Variants in SORT1 observed in about 807,000 individuals in gnomAD.
SORT1 encodes the protein sortilin 1, also known as sortilin.
In SORT1, 39 loss-of-function variants were observed where a neutral mutation model predicts 101.7. The ratio of observed to expected loss-of-function variants is 0.38; its 90% CI spans 0.30 to 0.50. The LOEUF is 0.50. Ranked by LOEUF, SORT1 falls within the 20% of genes least tolerant of loss-of-function variation. The pLI is 0.90. For synonymous variants in SORT1, 396 were observed against 393.7 expected (o/e 1.01, Z -0.07); for missense variants, 878 against 1,040.4 (o/e 0.84, Z 2.15).
At chr1:109,360,729 C>T (rs540920482) in intron 3 of SORT1, among the ~76,000 whole-genome samples, 27 of 152,254 alleles carry the variant, frequency 1.8e-4, no homozygotes, top group Admixed American at 4.6e-4. Context: ...TTCCCAGACA[C>T]GCTGGGATTG....
chr1:109,392,564 A>G, intron 1 of SORT1: 1 of 975,952 alleles, frequency 1.0e-6, no homozygotes, highest in Non-Finnish European at 1.2e-6. Flanking sequence ...GCACAGAGCC[A>G]AACATTTGAG....
At chr1:109,397,495 T>A in intron 1 of SORT1, 92 bp downstream of exon 1, 1 of 865,874 alleles carries the variant, frequency 1.2e-6, no homozygotes, top group Non-Finnish European at 1.4e-6. Context: ...AGGGCTGGGG[T>A]CTCCTCCGGG....
At chr1:109,329,125 G>A (rs1366279611) in intron 11 of SORT1, among the ~76,000 whole-genome samples, 3 of 152,170 alleles carry the variant, frequency 2.0e-5, no homozygotes, top group Admixed American at 1.3e-4. Context: ...TGAGCTACCT[G>A]GTAAGGGCTT....
intron 1 of SORT1, among the ~76,000 whole-genome samples, chr1:109,384,709 CA>C (rs1652467276): frequency 6.6e-6 from 1 of 152,060 alleles, no homozygotes; most frequent in South Asian, 2.1e-4. Flanking sequence ...CTGTGAAGTC[CA>C]AGAGTATGGC....
rs908884580 is a variant in SORT1, at chr1:109,397,727, C to G, written c.166G>C (p.Val56Leu). ...GCGGCCGCCCGCAGCCCCCAGCTCA[C>G]CCCGATGGGGCCAGACCAGCGCGGC... is the stretch of plus-strand genomic sequence containing the variant. ...PLPRWSGPIG[V>L]SWGLRAAAAG... Residue 56 changes from valine (V) to leucine (L), a missense_variant, in exon 1 of 20, where the codon GTG (valine) becomes CTG (leucine). By Grantham distance (32) the Val-to-Leu change is conservative. This residue lies in a region of SORT1 where 194 missense variants were observed against 145.9 expected (regional missense o/e 1.33). Coordinates refer to ENST00000256637, the MANE Select transcript of SORT1 (RefSeq NM_002959.7). 2.5e-6 allele frequency: 3 copies of G among 1,191,214 alleles called. No individual in the cohort carries two copies. The highest frequency in any genetic ancestry group is 3.3e-5 in the African/African-American group (2 of 61,216). The allele number at this position is 1,191,214 out of a possible 1,614,324, so 73.8% of individuals were successfully genotyped here.
chr1:109,397,233 G>C (rs1382049726), intron 1 of SORT1: 4 of 152,260 alleles, frequency 2.6e-5, no homozygotes, highest in African/African-American at 9.7e-5. Flanking sequence ...CCCAACTTCT[G>C]CAAGCGCTCA....
chr1:109,329,126 G>A (rs530593674), intron 11 of SORT1, among the ~76,000 whole-genome samples: 48 of 152,312 alleles, frequency 3.2e-4, no homozygotes, highest in African/African-American at 1.1e-3. Context: ...GAGCTACCTG[G>A]TAAGGGCTTC....
intron 11 of SORT1, among the ~76,000 whole-genome samples, chr1:109,330,243 T>A (rs1648372104): frequency 6.6e-6 from 1 of 152,144 alleles, no homozygotes; most frequent in Admixed American, 6.5e-5. Context: ...TCCACCCACC[T>A]CAGCCTCCCA....
At chr1:109,359,087 A>G (rs1650535939) in intron 3 of SORT1, among the ~76,000 whole-genome samples, 1 of 152,152 alleles carries the variant, frequency 6.6e-6, no homozygotes, top group Non-Finnish European at 1.5e-5. Flanking sequence ...GCTTATAAAC[A>G]GCAGAAATTC....
chr1:109,364,170 TAGTAA>T (rs1379482288), intron 3 of SORT1, among the ~76,000 whole-genome samples: 2 of 152,154 alleles, frequency 1.3e-5, no homozygotes, highest in East Asian at 3.8e-4. Flanking sequence ...AATTGCACTC[TAGTAA>T]AGTATGTCAG....
At position 109,356,018 on chromosome 1, in the gene SORT1, C is replaced by T. The variant is rs141315288; in HGVS notation, c.441-549G>A. On this transcript the variant is annotated intron_variant, in intron 3 of 19. Transcript: ENST00000256637. The stretch of plus-strand genomic sequence containing the variant: ...TCCCGAGTAGCTGGAATTACAGGTC[C>T]GTGTCACCACGCCTGGCTAATTTTT... Among the ~76,000 whole-genome samples the T allele has an allele frequency of 6.6e-5, 10 of 152,134 alleles. No individual in the cohort carries two copies. In the East Asian group the frequency reaches 1.9e-3, roughly 29 times the overall value.
At position 109,316,636 on chromosome 1, in the gene SORT1, C is replaced by T. The variant is rs1438740455; in HGVS notation, c.2250+214G>A. Among the ~76,000 whole-genome samples, 2 of 152,268 alleles carry T rather than the reference C, an allele frequency of 1.3e-5. 1 individual carries two copies. The highest frequency in any genetic ancestry group is 4.2e-4 in the South Asian group (2 of 4,816). On this transcript the variant is annotated intron_variant, in intron 17 of 19. Transcript: ENST00000256637. Reference sequence around the variant, plus strand: ...ACTTTACAGAATATCATCCCCCAACCCTCAATAAGAAAAGAGCTTTCAGTA... The same window carrying T: ...ACTTTACAGAATATCATCCCCCAACTCTCAATAAGAAAAGAGCTTTCAGTA...
chr1:109,392,523 G>C (rs1652976863), intron 1 of SORT1: 1 of 708,696 alleles, frequency 1.4e-6, no homozygotes, highest in Non-Finnish European at 1.7e-6. Flanking sequence ...AAGCAGACAT[G>C]AGACTCAGAT....
chr1:109,350,366 C>T (rs868274440), intron 6 of SORT1, among the ~76,000 whole-genome samples: 10 of 152,184 alleles, frequency 6.6e-5, no homozygotes, highest in Middle Eastern at 3.2e-3. Context: ...AGAGTGAGGA[C>T]AGAACAAAGG....
intron 5 of SORT1, among the ~76,000 whole-genome samples, chr1:109,354,082 GATTAA>G (rs147561596): frequency 0.013 from 1,942 of 152,264 alleles, 82 homozygotes; most frequent in Admixed American, 0.07. Flanking sequence ...GCACAAGAAT[GATTAA>G]ATTAAACTGT....
chr1:109,312,397 T>C lies in SORT1; in HGVS notation c.*1646A>G, dbSNP rs1409290008. ...CATTCTACTGCAGTTTTAACATCTCTAAAAGTCTCCATCCACTCTCTCCCC... is the reference window on the plus strand; with the variant it reads ...CATTCTACTGCAGTTTTAACATCTCCAAAAGTCTCCATCCACTCTCTCCCC... On this transcript the variant is annotated 3_prime_UTR_variant, in exon 20 of 20. Coordinates refer to ENST00000256637, the MANE Select transcript of SORT1 (RefSeq NM_002959.7). 1 of 152,476 alleles carries C rather than the reference T, an allele frequency of 6.6e-6. No individual in the cohort carries two copies. Among genetic ancestry groups the C allele is most frequent in the African/African-American group, 2.4e-5 (1 of 41,388 alleles). The allele number at this position is 152,476 out of a possible 1,614,324, so 9.4% of individuals were successfully genotyped here.
chr1:109,315,609 G>C (rs1197024657), intron 17 of SORT1, among the ~76,000 whole-genome samples: 1 of 152,094 alleles, frequency 6.6e-6, no homozygotes, highest in Non-Finnish European at 1.5e-5. Context: ...CTCCTATTAC[G>C]AATTGGGAAA....
intron 1 of SORT1, among the ~76,000 whole-genome samples, chr1:109,391,682 T>A (rs1652924151): frequency 6.6e-6 from 1 of 152,174 alleles, no homozygotes; most frequent in African/African-American, 2.4e-5. Flanking sequence ...GAACATTCAT[T>A]CAACCAAACT....
chr1:109,364,858 T>C (rs1320710723), intron 3 of SORT1, among the ~76,000 whole-genome samples: 2 of 152,194 alleles, frequency 1.3e-5, no homozygotes, highest in African/African-American at 4.8e-5. Flanking sequence ...CTGCAGAGCA[T>C]ACCTCACAAC....
Sources: allele counts gnomAD v4.1 joint callset (sites outside exome capture counted in the v4.1 genomes callset), GRCh38; gene constraint gnomAD v4.1.1; regional missense constraint gnomAD v4.1.1; transcripts MANE v1.5; gene names NCBI Gene and HGNC (gene_info 2026-07-23, HGNC 2026-07-21).